The following SEL1L2 variants were observed in gnomAD, a reference collection of about 807,000 sequenced individuals.
SEL1L2 encodes the protein protein sel-1 homolog 2.
In SEL1L2, 89 loss-of-function variants were observed where a neutral mutation model predicts 98.8. The observed-to-expected ratio is 0.90, with a 90% CI of 0.76 to 1.07. The LOEUF is 1.07. Among genes scored for constraint, SEL1L2 ranks in the 50% least tolerant of loss-of-function variants. The probability of loss-of-function intolerance (pLI) is 0.00; values close to 1 mark genes in which losing one functional copy is unlikely to be tolerated. For synonymous variants in SEL1L2, 262 were observed against 278.5 expected (o/e 0.94, Z 0.59); for missense variants, 788 against 812.0 (o/e 0.97, Z 0.36).
intron 8 of SEL1L2, among the ~76,000 whole-genome samples, chr20:13,886,810 C>T (rs1369357093): frequency 6.6e-6 from 1 of 151,866 alleles, no homozygotes; most frequent in African/African-American, 2.4e-5. Context: ...ATCACTTGAA[C>T]CCAGGAGGCA....
chr20:13,880,639 T>TCCA (rs60161067), intron 10 of SEL1L2, among the ~76,000 whole-genome samples: 4 of 151,970 alleles, frequency 2.6e-5, no homozygotes, highest in Non-Finnish European at 5.9e-5. Flanking sequence ...CATCCATCCA[T>TCCA]TCATCCATCC....
intron 3 of SEL1L2, among the ~76,000 whole-genome samples, chr20:13,919,826 T>G (rs944046695): frequency 3.3e-5 from 5 of 151,104 alleles, no homozygotes; most frequent in African/African-American, 1.2e-4. Flanking sequence ...CTCAGGAGGC[T>G]GAGGCAGAGA....
At chr20:13,882,992 G>T (rs958150472) in intron 10 of SEL1L2, among the ~76,000 whole-genome samples, 5 of 151,614 alleles carry the variant, frequency 3.3e-5, no homozygotes, top group African/African-American at 1.2e-4. Context: ...AATTTTTTTT[G>T]TGTGTTTTTA....
chr20:13,914,798 ATAAT>A (rs2048335507), intron 4 of SEL1L2, among the ~76,000 whole-genome samples: 1 of 152,154 alleles, frequency 6.6e-6, no homozygotes, highest in Admixed American at 6.5e-5. Context: ...TTGTTCTCCT[ATAAT>A]TAGGTGGTAA....
At chr20:13,858,881 C>A (rs6042395) in intron 18 of SEL1L2, among the ~76,000 whole-genome samples, 14,259 of 152,156 alleles carry the variant, frequency 0.094, 799 homozygotes, top group African/African-American at 0.15. Flanking sequence ...TTTTCACTTT[C>A]TCCTTGTTCC....
intron 18 of SEL1L2, among the ~76,000 whole-genome samples, chr20:13,855,049 C>CAAAAAAAAA (rs71188190): frequency 1.2e-5 from 1 of 81,118 alleles, no homozygotes. Flanking sequence ...GACTCCGTCT[C>CAAAAAAAAA]AAAAAAAAAA....
intron 2 of SEL1L2, among the ~76,000 whole-genome samples, chr20:13,941,063 G>A (rs762627611): frequency 5.9e-5 from 9 of 152,318 alleles, no homozygotes; most frequent in Middle Eastern, 3.4e-3. Context: ...CCGTGTTAGA[G>A]AAAAGCTAGC....
At chr20:13,911,222 G>T (rs2048192913) in intron 5 of SEL1L2, among the ~76,000 whole-genome samples, 1 of 152,218 alleles carries the variant, frequency 6.6e-6, no homozygotes, top group South Asian at 2.1e-4. Context: ...GGTTGACCTA[G>T]GAGGACTCTG....
At chr20:13,865,136 G>C (rs1453837160) in intron 17 of SEL1L2, 31 bp downstream of exon 17, 8 of 1,560,744 alleles carry the variant, frequency 5.1e-6, no homozygotes, top group Admixed American at 1.7e-5. Flanking sequence ...CAGGGACCGG[G>C]TATGTGCTTA....
intron 10 of SEL1L2, among the ~76,000 whole-genome samples, chr20:13,882,860 A>G (rs1333767786): frequency 8.4e-6 from 1 of 119,024 alleles, no homozygotes; most frequent in Non-Finnish European, 1.6e-5. Context: ...TCTGTCGCCC[A>G]GGCTGGAGTG....
chr20:13,914,841 A>G (rs781636583), intron 4 of SEL1L2, among the ~76,000 whole-genome samples: 1 of 152,166 alleles, frequency 6.6e-6, no homozygotes, highest in Non-Finnish European at 1.5e-5. Flanking sequence ...GATTAAAATG[A>G]TAGGTGCCAC....
intron 5 of SEL1L2, among the ~76,000 whole-genome samples, chr20:13,910,822 A>T (rs2048177465): frequency 6.6e-6 from 1 of 152,228 alleles, no homozygotes; most frequent in South Asian, 2.1e-4. Context: ...CACTACTTAG[A>T]GTAACACTAG....
In SEL1L2 at chr20:13,859,399, G is replaced by T; in HGVS notation, c.1681C>A (p.His561Asn). Residue 561 changes from histidine to asparagine, a missense_variant, in exon 18 of 20, where the codon CAT (histidine) becomes AAT (asparagine). Physicochemically the swap from His to Asn is moderately conservative, Grantham distance 68 (BLOSUM62 1). Coordinates refer to ENST00000284951, the MANE Select transcript of SEL1L2 (RefSeq NM_025229.2). ...AFARVKIGDY[H>N]YYGYGTKKDY... ...TTCTTAGTCCCATAGCCATAGTAATGGTAATCTCCAATTTTTACTCTAGCA... is the reference window on the plus strand; with the variant it reads ...TTCTTAGTCCCATAGCCATAGTAATTGTAATCTCCAATTTTTACTCTAGCA... 6.2e-7 allele frequency: 1 copy of T among 1,613,816 alleles called. No homozygotes were observed. The highest frequency in any genetic ancestry group is 8.5e-7 in the Non-Finnish European group (1 of 1,179,848).
intron 5 of SEL1L2, among the ~76,000 whole-genome samples, chr20:13,899,600 CT>C (rs1393036246): frequency 6.6e-6 from 1 of 151,906 alleles, no homozygotes; most frequent in South Asian, 2.1e-4. Flanking sequence ...CCCTCAAGCC[CT>C]TTTTTTTATA....
At chr20:13,853,380 GTA>G (rs1988596467) in intron 18 of SEL1L2, among the ~76,000 whole-genome samples, 1 of 146,616 alleles carries the variant, frequency 6.8e-6, no homozygotes, top group Non-Finnish European at 1.5e-5. Context: ...GCTGATTTTT[GTA>G]TTTTTTTTTT....
intron 1 of SEL1L2, among the ~76,000 whole-genome samples, chr20:13,959,961 T>A (rs2050707620): frequency 6.6e-6 from 1 of 152,248 alleles, no homozygotes; most frequent in Non-Finnish European, 1.5e-5. Context: ...ATTAATGCTT[T>A]GCCTGTAATG....
At position 13,932,691 on chromosome 20, in the gene SEL1L2, A is replaced by G. The variant is rs563409680; in HGVS notation, c.115-920T>C. On this transcript the variant is annotated intron_variant, in intron 2 of 19. Coordinates refer to ENST00000284951, the MANE Select transcript of SEL1L2 (RefSeq NM_025229.2). ...GGTGATCTGCCCGCCTCGGCCTCCC[A>G]AAGTGCCGGGATTACAGGCATGAGC... Among the ~76,000 whole-genome samples, 666 of 152,212 alleles carry G rather than the reference A, an allele frequency of 4.4e-3. 7 individuals carry two copies. The highest frequency in any genetic ancestry group is 0.015 in the African/African-American group (637 of 41,532).
At position 13,983,023 on chromosome 20, in the gene SEL1L2, C is replaced by CAAAAAAAAAA. The variant is rs57993052; in HGVS notation, c.58+7444_58+7453dup. ...TGGGCAACAGAGCAAGACTCCATCTCAAAAAAAAAAAAAAAAAAAAAAAAA... is the reference window on the plus strand; with the variant it reads ...TGGGCAACAGAGCAAGACTCCATCTCAAAAAAAAAAAAAAAAAAAAAAAAAAAAAAAAAAA... On this transcript the variant is annotated intron_variant, in intron 1 of 19. Transcript: ENST00000284951. Among the ~76,000 whole-genome samples the CAAAAAAAAAA allele has an allele frequency of 2.4e-3, 37 of 15,556 alleles. 8 individuals carry two copies. The highest frequency in any genetic ancestry group is 3.5e-3 in the African/African-American group (23 of 6,480). The allele number at this position is 15,556 out of a possible 152,430, so 10.2% of individuals were successfully genotyped here.
At chr20:13,978,167 C>T (rs776401654) in intron 1 of SEL1L2, among the ~76,000 whole-genome samples, 4 of 152,158 alleles carry the variant, frequency 2.6e-5, no homozygotes, top group East Asian at 1.9e-4. Flanking sequence ...CACTGACCAA[C>T]GGAACAGGAT....
Sources: gnomAD v4.1 joint callset for allele counts (sites outside exome capture counted in the v4.1 genomes callset) on GRCh38, gnomAD v4.1.1 for gene constraint, MANE v1.5 for transcripts, NCBI Gene and HGNC (gene_info 2026-07-23, HGNC 2026-07-21) for gene names.